The following NUCB2 variants were observed in gnomAD, a reference collection of about 807,000 sequenced individuals.
NUCB2 encodes nucleobindin 2.
NUCB2 carries 48 observed loss-of-function variants against 57.9 expected under a neutral mutation model. The observed-to-expected ratio is 0.83, with a 90% CI of 0.66 to 1.05. The LOEUF (loss-of-function observed/expected upper bound fraction) is 1.05. Ranked by LOEUF, NUCB2 falls within the 50% of genes least tolerant of loss-of-function variation. NUCB2 has a pLI of 0.00. For missense variants in NUCB2, 442 were observed against 476.2 expected, an observed-to-expected ratio of 0.93 and a Z score of 0.67; for synonymous variants, 139 against 152.1, an observed-to-expected ratio of 0.91 and a Z score of 0.64.
intron 2 of NUCB2, chr11:17,286,561 TA>T (rs1318321674): frequency 6.6e-6 from 1 of 152,150 alleles, no homozygotes. Context: ...CTTTAGAGAG[TA>T]AATTATCAGC....
chr11:17,290,730 T>C (rs1029135255), intron 2 of NUCB2, among the ~76,000 whole-genome samples: 9 of 152,144 alleles, frequency 5.9e-5, no homozygotes, highest in Non-Finnish European at 1.2e-4. Flanking sequence ...TGTGCTTTTC[T>C]AGTGATTGTA....
At chr11:17,310,753 T>G in intron 6 of NUCB2, 72 bp from the exon 7 acceptor site, 1 of 1,249,856 alleles carries the variant, frequency 8.0e-7, no homozygotes, top group Non-Finnish European at 1.1e-6. Context: ...GTATGCTATA[T>G]TCAAGAATGG....
chr11:17,299,836 T>C (rs1946401458), intron 4 of NUCB2, among the ~76,000 whole-genome samples: 3 of 151,968 alleles, frequency 2.0e-5, no homozygotes, highest in Non-Finnish European at 4.4e-5. Flanking sequence ...CCTGGGAGAT[T>C]GAGGCTGCAG....
intron 2 of NUCB2, among the ~76,000 whole-genome samples, chr11:17,345,509 C>T (rs1248049423): frequency 2.6e-5 from 4 of 152,226 alleles, no homozygotes; most frequent in Middle Eastern, 3.4e-3. Context: ...GTGTTAAAGA[C>T]CAGCCTGGCC....
intron 5 of NUCB2, among the ~76,000 whole-genome samples, chr11:17,305,886 A>G (rs934097560): frequency 6.6e-6 from 1 of 152,044 alleles, no homozygotes; most frequent in African/African-American, 2.4e-5. Flanking sequence ...TTGGCCTCCT[A>G]AAGTGCAGGG....
chr11:17,292,288 T>C (rs1222396229), intron 2 of NUCB2, among the ~76,000 whole-genome samples: 1 of 152,202 alleles, frequency 6.6e-6, no homozygotes, highest in Non-Finnish European at 1.5e-5. Flanking sequence ...TACTGCTTGG[T>C]GTAAAACCCA....
intron 6 of NUCB2, among the ~76,000 whole-genome samples, chr11:17,310,128 G>A (rs924713488): frequency 6.6e-6 from 1 of 152,108 alleles, no homozygotes; most frequent in African/African-American, 2.4e-5. Flanking sequence ...CTCACATTAT[G>A]TGTGAATGGA....
At chr11:17,315,579 AC>A in intron 11 of NUCB2, 104 bp downstream of exon 11, 1 of 537,366 alleles carries the variant, frequency 1.9e-6, no homozygotes, top group Non-Finnish European at 3.3e-6. Context: ...GTATAGTCTT[AC>A]TATCTTGGGA....
intron 10 of NUCB2, among the ~76,000 whole-genome samples, chr11:17,313,805 C>T (rs1029616502): frequency 6.6e-6 from 1 of 152,120 alleles, no homozygotes; most frequent in Non-Finnish European, 1.5e-5. Context: ...CTCCTCTTTC[C>T]AAGTTCTACA....
intron 4 of NUCB2, among the ~76,000 whole-genome samples, chr11:17,299,844 C>T (rs1946403553): frequency 1.3e-5 from 2 of 151,980 alleles, no homozygotes; most frequent in Admixed American, 6.6e-5. Context: ...ATTGAGGCTG[C>T]AGTGAGCCAT....
At chr11:17,300,522 A>G (rs1459375487) in intron 4 of NUCB2, among the ~76,000 whole-genome samples, 1 of 152,134 alleles carries the variant, frequency 6.6e-6, no homozygotes, top group African/African-American at 2.4e-5. Flanking sequence ...GACTCATACA[A>G]TAAGTGGTTT....
At chr11:17,320,183 G>A (rs1591511486) in intron 11 of NUCB2, among the ~76,000 whole-genome samples, 2 of 152,048 alleles carry the variant, frequency 1.3e-5, no homozygotes, top group East Asian at 3.8e-4. Flanking sequence ...ATTGTGAATA[G>A]TGCTGCAATG....
At chr11:17,296,855 A>G (rs1474400124) in intron 4 of NUCB2, among the ~76,000 whole-genome samples, 1 of 152,200 alleles carries the variant, frequency 6.6e-6, no homozygotes, top group Non-Finnish European at 1.5e-5. Flanking sequence ...TGAGGACAGT[A>G]GGAAGTTATT....
Position 17,277,945 on chromosome 11 carries a change from A to G in NUCB2, c.-156+1117A>G, listed in dbSNP as rs368191369. Among the ~76,000 whole-genome samples the G allele has an allele frequency of 3.3e-5, 5 of 152,200 alleles. No homozygotes were observed. The East Asian group carries it at 9.6e-4, about 29-fold the overall frequency. ...AAAAATTAAAATTCTGGAAATTTAG[A>G]ATTAGAAATGAAATCTCAAATAATG... is the stretch of plus-strand genomic sequence containing the variant. On this transcript the variant is annotated intron_variant, in intron 1 of 13. Coordinates refer to ENST00000529010, the MANE Select transcript of NUCB2 (RefSeq NM_005013.4).
At chr11:17,293,266 A>G (rs1945244526) in intron 2 of NUCB2, among the ~76,000 whole-genome samples, 1 of 152,032 alleles carries the variant, frequency 6.6e-6, no homozygotes. Context: ...AAAAAAAAAA[A>G]AAAAAAGATG....
intron 2 of NUCB2, among the ~76,000 whole-genome samples, chr11:17,288,069 G>A (rs1245137627): frequency 6.6e-6 from 1 of 152,148 alleles, no homozygotes; most frequent in Non-Finnish European, 1.5e-5. Context: ...AGTGTTGTAT[G>A]GGAAAACACA....
At chr11:17,298,700 CTT>C (rs1276181789) in intron 4 of NUCB2, among the ~76,000 whole-genome samples, 1 of 145,448 alleles carries the variant, frequency 6.9e-6, no homozygotes, top group African/African-American at 2.5e-5. Flanking sequence ...TTTCTCTTTC[CTT>C]TTTTTTTTTG....
At chr11:17,310,151 C>G (rs1948263337) in intron 6 of NUCB2, among the ~76,000 whole-genome samples, 1 of 152,050 alleles carries the variant, frequency 6.6e-6, no homozygotes, top group South Asian at 2.1e-4. Flanking sequence ...TAGTTCTAAC[C>G]TGGCAGGTAT....
intron 10 of NUCB2, among the ~76,000 whole-genome samples, chr11:17,314,164 T>G (rs1382115502): frequency 6.6e-6 from 1 of 152,096 alleles, no homozygotes; most frequent in Non-Finnish European, 1.5e-5. Context: ...TTCTGTCTGA[T>G]CTATCTTTCA....
Sources: allele counts gnomAD v4.1 joint callset (sites outside exome capture counted in the v4.1 genomes callset), GRCh38; gene constraint gnomAD v4.1.1; transcripts MANE v1.5; gene names NCBI Gene and HGNC (gene_info 2026-07-23, HGNC 2026-07-21).